CADM2: variants seen among roughly 807,000 people sequenced by gnomAD.
CADM2 encodes immunoglobulin superfamily member 4D.
A neutral mutation model predicts 49.8 loss-of-function variants in CADM2; 12 were observed. That is an observed-to-expected ratio of 0.24 (90% CI 0.15 to 0.39). CADM2 has a LOEUF of 0.39. Among genes scored for constraint, CADM2 ranks in the 10% least tolerant of loss-of-function variants. CADM2 has a pLI of 1.00. For synonymous variants in CADM2, 214 were observed against 175.4 expected (o/e 1.22, Z -1.74); for missense variants, 378 against 492.3 (o/e 0.77, Z 2.20).
chr3:86,058,920 C>G (rs1411385912), intron 8 of CADM2, among the ~76,000 whole-genome samples: 1 of 151,642 alleles, frequency 6.6e-6, no homozygotes, highest in Non-Finnish European at 1.5e-5. Flanking sequence ...CTGGTGAAAC[C>G]CTGTCTCCAC....
chr3:85,415,533 T>TA (rs1471648005), intron 1 of CADM2, among the ~76,000 whole-genome samples: 2 of 152,072 alleles, frequency 1.3e-5, no homozygotes, highest in Non-Finnish European at 2.9e-5. Context: ...AAACAGTTGA[T>TA]AAAAAACAAC....
chr3:85,804,183 A>G (rs1253115498), intron 3 of CADM2, among the ~76,000 whole-genome samples: 4 of 152,144 alleles, frequency 2.6e-5, no homozygotes, highest in African/African-American at 9.7e-5. Context: ...TTTTAAGGAC[A>G]TGTCTCATTT....
chr3:85,817,030 A>G (rs2073249415), intron 3 of CADM2, among the ~76,000 whole-genome samples: 1 of 152,210 alleles, frequency 6.6e-6, no homozygotes, highest in African/African-American at 2.4e-5. Flanking sequence ...ATTACAAATT[A>G]GGTTAGGTAT....
intron 1 of CADM2, among the ~76,000 whole-genome samples, chr3:85,265,981 AGCC>A (rs951213903): frequency 6.6e-6 from 1 of 151,908 alleles, no homozygotes; most frequent in African/African-American, 2.4e-5. Context: ...ACCTTAATAG[AGCC>A]AAAGTTGTCA....
intron 1 of CADM2, among the ~76,000 whole-genome samples, chr3:85,531,460 AG>A (rs1490902004): frequency 6.6e-6 from 1 of 152,212 alleles, no homozygotes; most frequent in Non-Finnish European, 1.5e-5. Flanking sequence ...GTGAGTATAA[AG>A]GTATAAGCCA....
chr3:86,015,006 A>G, intron 8 of CADM2: 1 of 1,012,310 alleles, frequency 9.9e-7, no homozygotes, highest in South Asian at 1.3e-5. Context: ...GGCTTTGCTT[A>G]ACATAAATTG....
chr3:85,973,509 G>T (rs1726411239), intron 8 of CADM2, among the ~76,000 whole-genome samples: 1 of 151,824 alleles, frequency 6.6e-6, no homozygotes, highest in East Asian at 1.9e-4. Context: ...AAACAAAAAT[G>T]CAAGCAATAT....
intron 2 of CADM2, among the ~76,000 whole-genome samples, chr3:85,768,733 A>ACATATATACACATATATACATATATAG (rs1559643367): frequency 4.5e-5 from 6 of 133,516 alleles, no homozygotes; most frequent in Non-Finnish European, 7.5e-5. Flanking sequence ...GTATATATAC[A>ACATATATACACATATATACATATATAG]CATATATACA....
At chr3:85,871,787 G>T (rs897092045) in intron 3 of CADM2, among the ~76,000 whole-genome samples, 1 of 152,010 alleles carries the variant, frequency 6.6e-6, no homozygotes, top group African/African-American at 2.4e-5. Context: ...GAGACATTAG[G>T]TTTATCTACT....
chr3:86,035,122 A>C (rs1734997160), intron 8 of CADM2, among the ~76,000 whole-genome samples: 1 of 152,042 alleles, frequency 6.6e-6, no homozygotes, highest in Non-Finnish European at 1.5e-5. Context: ...ATGGCATACA[A>C]AATCATTTGC....
At chr3:85,693,256 A>G (rs200272174) in intron 1 of CADM2, among the ~76,000 whole-genome samples, 2 of 151,670 alleles carry the variant, frequency 1.3e-5, no homozygotes, top group East Asian at 3.9e-4. Flanking sequence ...ACAAGAAACA[A>G]AAAACAAGGA....
At chr3:85,156,939 C>A (rs2040147068) in intron 1 of CADM2, among the ~76,000 whole-genome samples, 1 of 152,144 alleles carries the variant, frequency 6.6e-6, no homozygotes, top group African/African-American at 2.4e-5. Context: ...TCTAGAAAAC[C>A]CCATTGTCTC....
At chr3:86,045,930 A>G (rs920358616) in intron 8 of CADM2, among the ~76,000 whole-genome samples, 1 of 152,146 alleles carries the variant, frequency 6.6e-6, no homozygotes. Context: ...CTTGAAAGTG[A>G]CAGTGTCAGA....
intron 1 of CADM2, among the ~76,000 whole-genome samples, chr3:85,155,929 G>T (rs958744598): frequency 6.6e-6 from 1 of 152,070 alleles, no homozygotes; most frequent in African/African-American, 2.4e-5. Flanking sequence ...TCTCTGGGAC[G>T]CATTCAAAGC....
chr3:85,264,040 A>C (rs2043069386), intron 1 of CADM2, among the ~76,000 whole-genome samples: 1 of 152,124 alleles, frequency 6.6e-6, no homozygotes, highest in African/African-American at 2.4e-5. Context: ...AATTGGAGTT[A>C]GAAAATTTTT....
At chr3:85,560,904 T>A (rs2062079305) in intron 1 of CADM2, among the ~76,000 whole-genome samples, 2 of 152,188 alleles carry the variant, frequency 1.3e-5, no homozygotes, top group Non-Finnish European at 2.9e-5. Flanking sequence ...TTTAAAAAAG[T>A]GAAATGAATT....
At chr3:85,852,511 A>T (rs1349466678) in intron 3 of CADM2, among the ~76,000 whole-genome samples, 1 of 152,094 alleles carries the variant, frequency 6.6e-6, no homozygotes, top group Non-Finnish European at 1.5e-5. Context: ...ATAGTTCCAC[A>T]ATCTGTCTTC....
At chr3:85,031,539 G>A (rs2034976628) in intron 1 of CADM2, among the ~76,000 whole-genome samples, 2 of 152,072 alleles carry the variant, frequency 1.3e-5, no homozygotes, top group Middle Eastern at 3.4e-3. Context: ...TTTTGAGACG[G>A]AGTCTCGCTC....
At chr3:86,053,636 A>G (rs1207918972) in intron 8 of CADM2, among the ~76,000 whole-genome samples, 2 of 152,066 alleles carry the variant, frequency 1.3e-5, no homozygotes, top group Non-Finnish European at 2.9e-5. Flanking sequence ...TATCCTCTTG[A>G]TAGCAACTTT....
Sources: allele counts gnomAD v4.1 joint callset (sites outside exome capture counted in the v4.1 genomes callset), GRCh38; gene constraint gnomAD v4.1.1; transcripts MANE v1.5; gene names NCBI Gene and HGNC (gene_info 2026-07-23, HGNC 2026-07-21).